Variants in ZNF804B observed in about 807,000 individuals in gnomAD.
The protein encoded by ZNF804B is zinc finger protein 804B, also known as zinc finger 804B.
A neutral mutation model predicts 101.4 loss-of-function variants in ZNF804B; 80 were observed. That is an observed-to-expected ratio of 0.79 (90% CI 0.66 to 0.95). The LOEUF (loss-of-function observed/expected upper bound fraction) is 0.95, where lower values mean the gene tolerates loss of function less well. Ranked by LOEUF, ZNF804B falls within the 40% of genes least tolerant of loss-of-function variation. The pLI is 0.00. For synonymous variants in ZNF804B, 622 were observed against 558.8 expected, an observed-to-expected ratio of 1.11 and a Z score of -1.59; for missense variants, 1,673 against 1,561.9, an observed-to-expected ratio of 1.07 and a Z score of -1.20.
chr7:88,790,484 C>T (rs1390546831), intron 1 of ZNF804B, among the ~76,000 whole-genome samples: 8 of 152,000 alleles, frequency 5.3e-5, no homozygotes, highest in African/African-American at 1.9e-4. Context: ...TATGTGTTCT[C>T]AATGTTCAGC....
intron 1 of ZNF804B, among the ~76,000 whole-genome samples, chr7:89,156,553 T>C (rs947383952): frequency 1.3e-5 from 2 of 152,128 alleles, no homozygotes; most frequent in Non-Finnish European, 2.9e-5. Context: ...ACTCTGAAAA[T>C]TGCTGGGAGT....
intron 1 of ZNF804B, among the ~76,000 whole-genome samples, chr7:89,076,287 G>A (rs982463302): frequency 6.6e-6 from 1 of 152,180 alleles, no homozygotes; most frequent in South Asian, 2.1e-4. Context: ...TGTGTCATGG[G>A]AGGAACCCAG....
chr7:89,056,189 G>A (rs1789292764), intron 1 of ZNF804B, among the ~76,000 whole-genome samples: 2 of 151,962 alleles, frequency 1.3e-5, no homozygotes, highest in South Asian at 4.2e-4. Context: ...TGGATAAGTG[G>A]GTTTGTGAAC....
intron 1 of ZNF804B, among the ~76,000 whole-genome samples, chr7:88,887,861 G>T (rs1792154052): frequency 6.6e-6 from 1 of 151,670 alleles, no homozygotes; most frequent in Admixed American, 6.6e-5. Flanking sequence ...ATGTGGCTTT[G>T]ATATTAAGTT....
rs539241810 is a variant in ZNF804B, at chr7:89,030,036, G to A, written c.109-188119G>A. ...AGCTGCAAGCATTAGTCATGACTGT[G>A]TTATAAAAGAGTTAATTAAATTCTT... On this transcript the variant is annotated intron_variant, in intron 1 of 3. Transcript: ENST00000333190. 2.0e-5 allele frequency among the ~76,000 whole-genome samples: 3 copies of A among 152,260 alleles called. 1 individual carries two copies. Among genetic ancestry groups the A allele is most frequent in the Non-Finnish European group, 4.4e-5 (3 of 68,020 alleles).
At chr7:89,008,684 TAAG>T (rs1267189209) in intron 1 of ZNF804B, among the ~76,000 whole-genome samples, 2 of 152,024 alleles carry the variant, frequency 1.3e-5, no homozygotes, top group East Asian at 3.9e-4. Context: ...TACCCCTACT[TAAG>T]AAGAAATATT....
At chr7:88,970,504 A>G (rs1793519020) in intron 1 of ZNF804B, among the ~76,000 whole-genome samples, 1 of 151,582 alleles carries the variant, frequency 6.6e-6, no homozygotes. Context: ...TGCAGGTCTA[A>G]TATTAATTTT....
chr7:89,179,397 C>T (rs1345414535), intron 1 of ZNF804B, among the ~76,000 whole-genome samples: 1 of 151,502 alleles, frequency 6.6e-6, no homozygotes, highest in Non-Finnish European at 1.5e-5. Flanking sequence ...TTTCTTTCTT[C>T]TGTTAAAAAA....
At chr7:89,117,646 T>G (rs1391276189) in intron 1 of ZNF804B, among the ~76,000 whole-genome samples, 1 of 152,198 alleles carries the variant, frequency 6.6e-6, no homozygotes, top group Non-Finnish European at 1.5e-5. Context: ...TTAGCCATAA[T>G]GTTGATGCTA....
intron 1 of ZNF804B, among the ~76,000 whole-genome samples, chr7:89,076,149 C>G (rs780672635): frequency 6.6e-6 from 1 of 152,044 alleles, no homozygotes; most frequent in South Asian, 2.1e-4. Context: ...TTTGAGAAAC[C>G]GTTGGGAAGG....
intron 2 of ZNF804B, among the ~76,000 whole-genome samples, chr7:89,283,845 A>G (rs1790136099): frequency 6.6e-6 from 1 of 152,136 alleles, no homozygotes; most frequent in African/African-American, 2.4e-5. Context: ...TTTTTTCAGT[A>G]AATTTATTGA....
rs138170758 is a variant in ZNF804B, at chr7:89,184,059, C to T, written c.109-34096C>T. Among the ~76,000 whole-genome samples, 121 of 152,130 alleles carry T rather than the reference C, an allele frequency of 8.0e-4. 1 individual carries two copies. The East Asian group carries it at 0.018, about 23-fold the overall frequency. On this transcript the variant is annotated intron_variant, in intron 1 of 3. Transcript: ENST00000333190. Reference sequence around the variant, plus strand: ...GGTCTAAGATTAGACATATGGAGGCCGGCTCCAAATTAAATCAGAATAGAA... The same window carrying T: ...GGTCTAAGATTAGACATATGGAGGCTGGCTCCAAATTAAATCAGAATAGAA...
intron 2 of ZNF804B, among the ~76,000 whole-genome samples, chr7:89,325,454 T>C (rs1790883152): frequency 6.6e-6 from 1 of 152,134 alleles, no homozygotes; most frequent in Admixed American, 6.6e-5. Flanking sequence ...AAAAAAAAAT[T>C]GATTTGTTGA....
chr7:89,268,094 G>A (rs1430714594), intron 2 of ZNF804B, among the ~76,000 whole-genome samples: 1 of 152,052 alleles, frequency 6.6e-6, no homozygotes, highest in Non-Finnish European at 1.5e-5. Context: ...AGTCTAATGA[G>A]TATCTTTCTC....
intron 2 of ZNF804B, among the ~76,000 whole-genome samples, chr7:89,291,430 T>G (rs1438745090): frequency 1.3e-5 from 2 of 152,062 alleles, no homozygotes; most frequent in African/African-American, 4.8e-5. Flanking sequence ...AACAAAGAGA[T>G]TGAAATAATT....
chr7:88,784,229 A>G (rs1232132396), intron 1 of ZNF804B, among the ~76,000 whole-genome samples: 1 of 152,176 alleles, frequency 6.6e-6, no homozygotes, highest in Non-Finnish European at 1.5e-5. Flanking sequence ...TAAAAGTTTG[A>G]CCATGGAAAT....
chr7:89,027,266 G>C (rs1410018451), intron 1 of ZNF804B, among the ~76,000 whole-genome samples: 1 of 152,010 alleles, frequency 6.6e-6, no homozygotes, highest in Non-Finnish European at 1.5e-5. Context: ...GAGACAGAGA[G>C]AATCTTCTCT....
intron 1 of ZNF804B, among the ~76,000 whole-genome samples, chr7:88,941,082 T>C (rs1793048610): frequency 6.6e-6 from 1 of 151,938 alleles, no homozygotes; most frequent in African/African-American, 2.4e-5. Flanking sequence ...TTTAATATTA[T>C]TATAGCAAAA....
intron 1 of ZNF804B, chr7:88,794,532 G>A: frequency 6.2e-7 from 1 of 1,613,606 alleles, no homozygotes; most frequent in Non-Finnish European, 8.5e-7. Flanking sequence ...TCATTGGAAT[G>A]TTATGAGAAA....
Sources: allele counts gnomAD v4.1 joint callset (sites outside exome capture counted in the v4.1 genomes callset), GRCh38; gene constraint gnomAD v4.1.1; transcripts MANE v1.5; gene names NCBI Gene and HGNC (gene_info 2026-07-23, HGNC 2026-07-21).